CNTNAP2: variants seen among roughly 807,000 people sequenced by gnomAD.
The protein encoded by CNTNAP2 is contactin associated protein 2.
A neutral mutation model predicts 155.2 loss-of-function variants in CNTNAP2; 98 were observed. The observed-to-expected ratio is 0.63, with a 90% CI of 0.54 to 0.75. CNTNAP2 has a LOEUF of 0.75. CNTNAP2 is among the 30% of genes least tolerant of loss of function. The probability of loss-of-function intolerance (pLI) is 0.00; values close to 1 mark genes in which losing one functional copy is unlikely to be tolerated. For missense variants in CNTNAP2, 1,727 were observed against 1,688.1 expected (o/e 1.02, Z -0.40); for synonymous variants, 651 against 631.2 (o/e 1.03, Z -0.47).
chr7:148,368,923 G>A (rs1798834521), intron 21 of CNTNAP2, among the ~76,000 whole-genome samples: 1 of 152,120 alleles, frequency 6.6e-6, no homozygotes, highest in Non-Finnish European at 1.5e-5. Context: ...ACCAGGCTTA[G>A]GTCAGGCGGG....
chr7:147,630,418 T>C (rs747447512), intron 12 of CNTNAP2, among the ~76,000 whole-genome samples: 4 of 151,684 alleles, frequency 2.6e-5, no homozygotes, highest in Admixed American at 6.6e-5. Context: ...ACACCAATCT[T>C]ACTGAAACTA....
chr7:148,225,671 G>T lies in CNTNAP2; in HGVS notation c.3248-3975G>T, dbSNP rs551629957. Reference sequence around the variant, plus strand: ...CAGAGGCCCAGTGGGATCAGGGAAGGTTGGAGAAAGGACAAAAGCTAGTAT... The same window carrying T: ...CAGAGGCCCAGTGGGATCAGGGAAGTTTGGAGAAAGGACAAAAGCTAGTAT... On this transcript the variant is annotated intron_variant, in intron 19 of 23. Transcript: ENST00000361727. Among the ~76,000 whole-genome samples the T allele has an allele frequency of 4.6e-5, 7 of 152,316 alleles. No homozygotes were observed. In the East Asian group the frequency reaches 7.7e-4, roughly 17 times the overall value.
chr7:146,158,738 C>A (rs1043633646), intron 1 of CNTNAP2, among the ~76,000 whole-genome samples: 1 of 152,092 alleles, frequency 6.6e-6, no homozygotes, highest in African/African-American at 2.4e-5. Flanking sequence ...AAATATGGGA[C>A]TATGTGAAAA....
chr7:147,801,945 G>T, intron 13 of CNTNAP2, among the ~76,000 whole-genome samples: 1 of 151,152 alleles, frequency 6.6e-6, no homozygotes, highest in African/African-American at 2.4e-5. Context: ...CGGCTGGCCG[G>T]GCGGGGGGCT....
intron 20 of CNTNAP2, among the ~76,000 whole-genome samples, chr7:148,253,388 C>T (rs541818410): frequency 6.6e-6 from 1 of 152,310 alleles, no homozygotes; most frequent in Non-Finnish European, 1.5e-5. Context: ...CTCCATATTA[C>T]ATATTTTAGA....
At chr7:146,836,409 A>T (rs1160368182) in intron 2 of CNTNAP2, among the ~76,000 whole-genome samples, 1 of 152,208 alleles carries the variant, frequency 6.6e-6, no homozygotes, top group Non-Finnish European at 1.5e-5. Flanking sequence ...TAACAGAGGT[A>T]GTATGGTCTA....
In CNTNAP2 at chr7:147,705,895, A is replaced by C. The variant is rs186666388; in HGVS notation, c.2098+66589A>C. Reference sequence around the variant, plus strand: ...TTCCGTTTGTTTGTGATTTCCATTTACATGGAATCTCTTTTTTCACCTCTG... The same window carrying C: ...TTCCGTTTGTTTGTGATTTCCATTTCCATGGAATCTCTTTTTTCACCTCTG... On this transcript the variant is annotated intron_variant, in intron 13 of 23. Transcript: ENST00000361727. Among the ~76,000 whole-genome samples the C allele has an allele frequency of 4.7e-4, 72 of 151,844 alleles. 1 individual carries two copies. Among genetic ancestry groups the C allele is most frequent in the African/African-American group, 1.6e-3 (67 of 41,468 alleles).
chr7:146,331,970 AT>A lies in CNTNAP2; in HGVS notation c.97+215000del, dbSNP rs563847383. ...ATTTTTAAAAGATTTTCATTGAAAA[AT>A]TTAAAAGTAATCTTTAAATTCTCAG... is the stretch of plus-strand genomic sequence containing the variant. On this transcript the variant is annotated intron_variant, in intron 1 of 23. Transcript: ENST00000361727. 1.0e-3 allele frequency among the ~76,000 whole-genome samples: 158 copies of A among 152,270 alleles called. 1 individual carries two copies. The highest frequency in any genetic ancestry group is 1.9e-3 in the Non-Finnish European group (128 of 68,014).
At chr7:148,034,853 T>C (rs989861233) in intron 15 of CNTNAP2, among the ~76,000 whole-genome samples, 1 of 152,148 alleles carries the variant, frequency 6.6e-6, no homozygotes, top group African/African-American at 2.4e-5. Flanking sequence ...AGAATGTTGG[T>C]AGAAATATGG....
intron 1 of CNTNAP2, among the ~76,000 whole-genome samples, chr7:146,328,021 A>G (rs780814565): frequency 1.3e-5 from 2 of 152,198 alleles, no homozygotes; most frequent in African/African-American, 2.4e-5. Flanking sequence ...AGGCGGCCTC[A>G]ACCCTTGGGC....
chr7:147,917,872 T>C (rs962040216), intron 14 of CNTNAP2, among the ~76,000 whole-genome samples: 1 of 152,190 alleles, frequency 6.6e-6, no homozygotes, highest in Non-Finnish European at 1.5e-5. Flanking sequence ...CATTCTCTGC[T>C]TTACCTCACT....
At chr7:147,517,399 T>C (rs1350252326) in intron 11 of CNTNAP2, among the ~76,000 whole-genome samples, 2 of 152,146 alleles carry the variant, frequency 1.3e-5, no homozygotes, top group Non-Finnish European at 2.9e-5. Context: ...CACCATGTGC[T>C]AAAAGGATGG....
intron 1 of CNTNAP2, among the ~76,000 whole-genome samples, chr7:146,658,697 G>C (rs557014814): frequency 1.2e-3 from 180 of 152,330 alleles, no homozygotes; most frequent in African/African-American, 4.0e-3. Flanking sequence ...TAATATTTAT[G>C]AGTCAAATGC....
chr7:147,056,332 A>C (rs945756063), intron 4 of CNTNAP2, among the ~76,000 whole-genome samples: 3 of 152,172 alleles, frequency 2.0e-5, no homozygotes, highest in Non-Finnish European at 4.4e-5. Context: ...GAAAATGGAC[A>C]AGTAGCTTCC....
At chr7:147,563,362 G>T (rs1800101702) in intron 12 of CNTNAP2, among the ~76,000 whole-genome samples, 1 of 152,048 alleles carries the variant, frequency 6.6e-6, no homozygotes, top group Admixed American at 6.6e-5. Context: ...CAGGTGTGGT[G>T]GTTCACGCCT....
rs542210913 is a variant in CNTNAP2, at chr7:147,734,302, A to G, written c.2098+94996A>G. On this transcript the variant is annotated intron_variant, in intron 13 of 23. Coordinates refer to ENST00000361727, the MANE Select transcript of CNTNAP2 (RefSeq NM_014141.6). ...GTGGTTTTTGTCGTTGGTTCTGTTTATATGCTGGATTACATTTATTGATTT... is the reference window on the plus strand; with the variant it reads ...GTGGTTTTTGTCGTTGGTTCTGTTTGTATGCTGGATTACATTTATTGATTT... Among the ~76,000 whole-genome samples the G allele has an allele frequency of 2.0e-5, 3 of 152,278 alleles. No homozygotes were observed. In the South Asian group the frequency reaches 6.2e-4, roughly 32 times the overall value.
Position 148,383,785 on chromosome 7 carries a change from C to T in CNTNAP2, c.3612C>T (p.His1204=), listed in dbSNP as rs1370624528. The T allele has an allele frequency of 2.5e-6, 4 of 1,614,100 alleles. No homozygotes were observed. Among genetic ancestry groups the T allele is most frequent in the South Asian group, 1.1e-5 (1 of 91,092 alleles). Residue 1204 remains histidine, a synonymous_variant, in exon 22 of 24, where the codon CAC becomes CAT. Coordinates refer to ENST00000361727, the MANE Select transcript of CNTNAP2 (RefSeq NM_014141.6). The part of the protein sequence containing the change: ...LRQTNASAHV[H]IQGELVESNC... Reference sequence around the variant, plus strand: ...AGACAAACGCCTCGGCTCACGTCCACATCCAGGGCGAGCTGGTGGAGTCCA... The same window carrying T: ...AGACAAACGCCTCGGCTCACGTCCATATCCAGGGCGAGCTGGTGGAGTCCA...
intron 1 of CNTNAP2, among the ~76,000 whole-genome samples, chr7:146,561,662 C>A (rs1798281529): frequency 6.6e-6 from 1 of 152,038 alleles, no homozygotes; most frequent in Non-Finnish European, 1.5e-5. Flanking sequence ...TGTCTCAAAA[C>A]AAAAAATGAA....
chr7:146,161,316 C>G (rs547904083), intron 1 of CNTNAP2, among the ~76,000 whole-genome samples: 1 of 152,214 alleles, frequency 6.6e-6, no homozygotes, highest in South Asian at 2.1e-4. Flanking sequence ...TCTCTCACCA[C>G]TCCTATTCAA....
Sources: gnomAD v4.1 joint callset for allele counts (sites outside exome capture counted in the v4.1 genomes callset) on GRCh38, gnomAD v4.1.1 for gene constraint, MANE v1.5 for transcripts, NCBI Gene and HGNC (gene_info 2026-07-23, HGNC 2026-07-21) for gene names.